Variants in PCDH9 observed in about 807,000 individuals in gnomAD.
PCDH9 encodes protocadherin 9.
In PCDH9, 24 loss-of-function variants were observed where a neutral mutation model predicts 70.6. The ratio of observed to expected loss-of-function variants is 0.34; its 90% CI spans 0.25 to 0.48. The LOEUF (loss-of-function observed/expected upper bound fraction) is 0.48. PCDH9 is among the 20% of genes least tolerant of loss of function. The pLI is 0.99. For synonymous variants in PCDH9, 562 were observed against 558.5 expected (o/e 1.01, Z -0.09); for missense variants, 1,281 against 1,503.6 (o/e 0.85, Z 2.45).
chr13:66,844,466 T>C (rs551887319), intron 3 of PCDH9, among the ~76,000 whole-genome samples: 4 of 151,478 alleles, frequency 2.6e-5, no homozygotes, highest in Admixed American at 6.6e-5. Flanking sequence ...GTGCCTGCAA[T>C]CCCAGCTACT....
chr13:67,200,710 CAGTT>C (rs1257902085), intron 2 of PCDH9, among the ~76,000 whole-genome samples: 2 of 152,028 alleles, frequency 1.3e-5, no homozygotes, highest in South Asian at 2.1e-4. Context: ...CTAGAATACT[CAGTT>C]AAAGTGCAAA....
chr13:66,501,007 A>T, intron 4 of PCDH9, among the ~76,000 whole-genome samples: 1 of 152,092 alleles, frequency 6.6e-6, no homozygotes, highest in Admixed American at 6.6e-5. Context: ...GAACTTTATT[A>T]GGTTTAATTA....
chr13:66,484,110 T>C (rs982021791), intron 4 of PCDH9, among the ~76,000 whole-genome samples: 1 of 152,080 alleles, frequency 6.6e-6, no homozygotes, highest in Non-Finnish European at 1.5e-5. Flanking sequence ...CTCAATACAA[T>C]CTTGCATTTA....
intron 4 of PCDH9, among the ~76,000 whole-genome samples, chr13:66,307,733 A>C (rs1346913611): frequency 6.6e-6 from 1 of 152,070 alleles, no homozygotes; most frequent in Non-Finnish European, 1.5e-5. Flanking sequence ...CTCATCAAAA[A>C]AGAGAGGATG....
chr13:66,464,148 T>G (rs1025356644), intron 4 of PCDH9, among the ~76,000 whole-genome samples: 1 of 151,732 alleles, frequency 6.6e-6, no homozygotes, highest in African/African-American at 2.4e-5. Flanking sequence ...CAGATTCAAG[T>G]GTTTAACCCA....
At chr13:66,399,502 C>T (rs1957154471) in intron 4 of PCDH9, among the ~76,000 whole-genome samples, 2 of 152,070 alleles carry the variant, frequency 1.3e-5, no homozygotes, top group Non-Finnish European at 2.9e-5. Context: ...GTTACTGATA[C>T]TTGTTTGGAA....
chr13:66,517,372 A>G (rs1170265781), intron 4 of PCDH9, among the ~76,000 whole-genome samples: 1 of 152,142 alleles, frequency 6.6e-6, no homozygotes, highest in Non-Finnish European at 1.5e-5. Context: ...GATCACCAGA[A>G]TGCTACACAT....
At chr13:66,805,643 C>T (rs2080397704) in intron 3 of PCDH9, among the ~76,000 whole-genome samples, 2 of 152,060 alleles carry the variant, frequency 1.3e-5, no homozygotes, top group Non-Finnish European at 2.9e-5. Context: ...CATAACTTTG[C>T]CTCCATTTCG....
chr13:66,879,350 A>G (rs2139532373), intron 3 of PCDH9, among the ~76,000 whole-genome samples: 1 of 152,300 alleles, frequency 6.6e-6, no homozygotes, highest in African/African-American at 2.4e-5. Context: ...TGCTTTGGCA[A>G]CAGTCATAGA....
At chr13:67,207,290 G>A (rs2089374007) in intron 2 of PCDH9, 1 of 152,070 alleles carries the variant, frequency 6.6e-6, no homozygotes, top group Non-Finnish European at 1.5e-5. Context: ...TTCCATGATA[G>A]AGACAGTATT....
rs1464443100 is a variant in PCDH9, at chr13:66,601,603, T to G, written c.3340+29607A>C. Among the ~76,000 whole-genome samples, 3 of 146,542 alleles carry G rather than the reference T, an allele frequency of 2.0e-5. 1 individual carries two copies. The highest frequency in any genetic ancestry group is 7.4e-5 in the African/African-American group (3 of 40,648). On this transcript the variant is annotated intron_variant, in intron 4 of 4. Coordinates refer to ENST00000377865, the MANE Select transcript of PCDH9 (RefSeq NM_203487.3). ...TTGACTGTCATCATTAGTATCACCA[T>G]TAAATTAAGTCAAATATCTTAACAT...
At chr13:66,824,063 A>T (rs867222732) in intron 3 of PCDH9, among the ~76,000 whole-genome samples, 1 of 152,040 alleles carries the variant, frequency 6.6e-6, no homozygotes, top group African/African-American at 2.4e-5. Flanking sequence ...AATTTCTTTC[A>T]TAACTTACTG....
At chr13:67,104,212 G>A (rs753718284) in intron 2 of PCDH9, among the ~76,000 whole-genome samples, 2 of 152,140 alleles carry the variant, frequency 1.3e-5, no homozygotes, top group African/African-American at 2.4e-5. Context: ...TAACTGTGAG[G>A]ATAATAAGAA....
chr13:66,656,245 G>A (rs1171004591), intron 3 of PCDH9, among the ~76,000 whole-genome samples: 1 of 152,110 alleles, frequency 6.6e-6, no homozygotes, highest in East Asian at 1.9e-4. Flanking sequence ...AAGCCCCACT[G>A]ACCTGCTACT....
chr13:66,498,650 G>C (rs530069235), intron 4 of PCDH9, among the ~76,000 whole-genome samples: 3 of 152,136 alleles, frequency 2.0e-5, no homozygotes, highest in South Asian at 2.1e-4. Flanking sequence ...TTCAAGTAGA[G>C]CATGCCATAA....
At chr13:66,486,873 G>C (rs554616312) in intron 4 of PCDH9, among the ~76,000 whole-genome samples, 1 of 152,288 alleles carries the variant, frequency 6.6e-6, no homozygotes, top group South Asian at 2.1e-4. Context: ...AAAGCTTGTA[G>C]TGTATCACTG....
chr13:67,043,237 G>A (rs989916962), intron 2 of PCDH9, among the ~76,000 whole-genome samples: 2 of 152,214 alleles, frequency 1.3e-5, no homozygotes, highest in African/African-American at 4.8e-5. Context: ...GAATCAGCTT[G>A]GAGATTGTAT....
chr13:67,151,816 C>A (rs988256202), intron 2 of PCDH9, among the ~76,000 whole-genome samples: 2 of 152,038 alleles, frequency 1.3e-5, no homozygotes, highest in East Asian at 1.9e-4. Context: ...AGTATCAGCC[C>A]TTGTATAGCT....
intron 2 of PCDH9, among the ~76,000 whole-genome samples, chr13:67,090,450 T>C (rs905840468): frequency 6.6e-6 from 1 of 152,080 alleles, no homozygotes; most frequent in African/African-American, 2.4e-5. Context: ...TTAGGAGGCA[T>C]AATCCTGTAT....
Sources: gnomAD v4.1 joint callset for allele counts (sites outside exome capture counted in the v4.1 genomes callset) on GRCh38, gnomAD v4.1.1 for gene constraint, MANE v1.5 for transcripts, NCBI Gene and HGNC (gene_info 2026-07-23, HGNC 2026-07-21) for gene names.